DBX2: variants seen among roughly 807,000 people sequenced by gnomAD.
DBX2 encodes the protein developing brain homeobox 2.
Under a neutral mutation model 17.7 loss-of-function variants are expected in DBX2, and 16 were observed. The ratio of observed to expected loss-of-function variants is 0.90; its 90% CI spans 0.61 to 1.37. The LOEUF (loss-of-function observed/expected upper bound fraction) is 1.37, where lower values mean the gene tolerates loss of function less well. DBX2 is among the 40% of genes most tolerant of loss of function. DBX2 has a pLI of 0.00. For missense variants in DBX2, 538 were observed against 433.8 expected (o/e 1.24, Z -2.13); for synonymous variants, 255 against 183.8 (o/e 1.39, Z -3.13).
chr12:45,026,474 T>G (rs773731310), intron 2 of DBX2, among the ~76,000 whole-genome samples: 3 of 152,206 alleles, frequency 2.0e-5, no homozygotes, highest in Non-Finnish European at 4.4e-5. Context: ...AAAATGAAAC[T>G]TAGGAAGGTT....
chr12:45,025,271 G>T (rs544909013), intron 2 of DBX2, among the ~76,000 whole-genome samples: 62 of 152,238 alleles, frequency 4.1e-4, no homozygotes, highest in Middle Eastern at 3.4e-3. Context: ...ATTTCAAGAT[G>T]CTACTTTCTT....
chr12:45,045,149 C>A (rs1331075193), intron 1 of DBX2, among the ~76,000 whole-genome samples: 1 of 152,018 alleles, frequency 6.6e-6, no homozygotes, highest in Non-Finnish European at 1.5e-5. Context: ...CCTTTTTATT[C>A]CTGACAGACT....
At chr12:45,026,064 C>T (rs1946379845) in intron 2 of DBX2, among the ~76,000 whole-genome samples, 1 of 151,996 alleles carries the variant, frequency 6.6e-6, no homozygotes, top group African/African-American at 2.4e-5. Flanking sequence ...TTTAGTTGTC[C>T]ACATTTAAAA....
At position 45,050,938 on chromosome 12, in the gene DBX2, C is replaced by T; in HGVS notation, c.-11G>A. On this transcript the variant is annotated 5_prime_UTR_variant, in exon 1 of 4. Coordinates refer to ENST00000332700, the MANE Select transcript of DBX2 (RefSeq NM_001004329.3). Reference sequence around the variant, plus strand: ...CGCGCTGGGGAGCATAGTGCGGCGCCAACCGGTCTGCTGCGCGCCCGCCTT... The same window carrying T: ...CGCGCTGGGGAGCATAGTGCGGCGCTAACCGGTCTGCTGCGCGCCCGCCTT... 6.9e-7 allele frequency: 1 copy of T among 1,443,340 alleles called. No homozygotes were observed. Among genetic ancestry groups the T allele is most frequent in the Non-Finnish European group, 9.1e-7 (1 of 1,096,142 alleles). The allele number at this position is 1,443,340 out of a possible 1,614,324, so 89.4% of individuals were successfully genotyped here.
chr12:45,042,236 ATC>A (rs1313987622), intron 1 of DBX2, among the ~76,000 whole-genome samples: 1 of 152,220 alleles, frequency 6.6e-6, no homozygotes, highest in Non-Finnish European at 1.5e-5. Context: ...TTAGTATATA[ATC>A]TGAGATCAAG....
At chr12:45,039,741 G>A (rs1946461366) in intron 1 of DBX2, among the ~76,000 whole-genome samples, 1 of 151,876 alleles carries the variant, frequency 6.6e-6, no homozygotes, top group Non-Finnish European at 1.5e-5. Flanking sequence ...AAAAGGACGA[G>A]AAAAACAATA....
chr12:45,035,116 T>C (rs182037601), intron 2 of DBX2, among the ~76,000 whole-genome samples: 107 of 152,372 alleles, frequency 7.0e-4, no homozygotes, highest in Non-Finnish European at 1.2e-3. Context: ...GAGCAACTGC[T>C]TTCCTGAACC....
intron 2 of DBX2, among the ~76,000 whole-genome samples, chr12:45,032,122 T>A (rs535931293): frequency 4.0e-4 from 60 of 150,790 alleles, no homozygotes; most frequent in Non-Finnish European, 6.8e-4. Context: ...AATAGAGCCA[T>A]CAACTTGGAA....
chr12:45,030,095 A>G (rs961417918), intron 2 of DBX2, among the ~76,000 whole-genome samples: 3 of 151,988 alleles, frequency 2.0e-5, no homozygotes, highest in African/African-American at 7.2e-5. Context: ...TGATATTGTT[A>G]AGGAGGGGAG....
chr12:45,035,905 G>T, intron 2 of DBX2, 114 bp downstream of exon 2: 1 of 955,592 alleles, frequency 1.0e-6, no homozygotes, highest in Non-Finnish European at 1.5e-6. Context: ...GACTTTTAGT[G>T]AGGAATTAGC....
intron 1 of DBX2, among the ~76,000 whole-genome samples, chr12:45,039,254 T>G (rs1352921086): frequency 7.4e-6 from 1 of 134,552 alleles, no homozygotes; most frequent in African/African-American, 2.9e-5. Flanking sequence ...AATCACCATT[T>G]AAAACAATGC....
chr12:45,026,172 A>T (rs1041592512), intron 2 of DBX2, among the ~76,000 whole-genome samples: 2 of 152,166 alleles, frequency 1.3e-5, no homozygotes, highest in African/African-American at 4.8e-5. Flanking sequence ...TTTTAGATGG[A>T]ACATGTGGCT....
At chr12:45,038,791 T>G (rs796848807) in intron 1 of DBX2, among the ~76,000 whole-genome samples, 1 of 152,052 alleles carries the variant, frequency 6.6e-6, no homozygotes, top group Non-Finnish European at 1.5e-5. Context: ...AGATATCTGA[T>G]CTTAATGCTG....
chr12:45,035,876 T>C, intron 2 of DBX2, 143 bp downstream of exon 2: 2 of 777,280 alleles, frequency 2.6e-6, no homozygotes, highest in Non-Finnish European at 4.0e-6. Flanking sequence ...TCTGGAAACC[T>C]CTTGAATAAG....
Position 45,050,739 on chromosome 12 carries a change from C to G in DBX2, c.189G>C (p.Ala63=), listed in dbSNP as rs774179347. ...RLQPPAPHDP[A]TALATAGAQL... ...GCGCGCCCGCGGTGGCCAGGGCGGT[C>G]GCCGGGTCGTGGGGCGCGGGCGGCT... The change falls in exon 1 of 4, where the codon GCG becomes GCC. Residue 63 remains alanine (A), a synonymous_variant. Transcript: ENST00000332700. 9 of 1,495,654 alleles carry G rather than the reference C, an allele frequency of 6.0e-6. No individual in the cohort carries two copies. The South Asian group carries it at 9.0e-5, about 15-fold the overall frequency. 92.6% of individuals were successfully genotyped at this position (1,495,654 alleles called of 1,614,324 possible). A position where few individuals can be genotyped will look rare whatever the true frequency, so the allele number is the denominator to read the frequency against.
chr12:45,036,856 C>T (rs534482768), intron 1 of DBX2, among the ~76,000 whole-genome samples: 2 of 152,094 alleles, frequency 1.3e-5, no homozygotes, highest in Non-Finnish European at 2.9e-5. Flanking sequence ...GTAATCTAGT[C>T]ACCCTGAAGA....
At chr12:45,029,362 C>T (rs1219133919) in intron 2 of DBX2, among the ~76,000 whole-genome samples, 1 of 152,142 alleles carries the variant, frequency 6.6e-6, no homozygotes, top group East Asian at 1.9e-4. Flanking sequence ...GTAATCTTTA[C>T]AACAATCCCT....
chr12:45,042,140 A>C (rs2111970), intron 1 of DBX2, among the ~76,000 whole-genome samples: 242 of 152,268 alleles, frequency 1.6e-3, no homozygotes, highest in African/African-American at 5.7e-3. Context: ...TTATAATATA[A>C]AGCAAGGATG....
intron 1 of DBX2, among the ~76,000 whole-genome samples, chr12:45,039,663 C>G (rs1946460928): frequency 1.3e-5 from 2 of 151,932 alleles, no homozygotes; most frequent in Non-Finnish European, 2.9e-5. Flanking sequence ...CACATGCTAA[C>G]TCATTGATTC....
Sources: allele counts gnomAD v4.1 joint callset (sites outside exome capture counted in the v4.1 genomes callset), GRCh38; gene constraint gnomAD v4.1.1; transcripts MANE v1.5; gene names NCBI Gene and HGNC (gene_info 2026-07-23, HGNC 2026-07-21).